LIPJ: variants seen among roughly 807,000 people sequenced by gnomAD.
LIPJ encodes the protein lipase member J.
LIPJ carries 33 observed loss-of-function variants against 39.8 expected under a neutral mutation model. That is an observed-to-expected ratio of 0.83 (90% CI 0.63 to 1.11). The LOEUF (loss-of-function observed/expected upper bound fraction) is 1.11. Among genes scored for constraint, LIPJ ranks in the 50% least tolerant of loss-of-function variants. LIPJ has a pLI of 0.00. For synonymous variants in LIPJ, 128 were observed against 139.2 expected (o/e 0.92, Z 0.57); for missense variants, 422 against 427.9 (o/e 0.99, Z 0.12).
chr10:88,596,498 T>C (rs1019746389), intron 7 of LIPJ, 82 bp downstream of exon 7: 245 of 1,365,546 alleles, frequency 1.8e-4, no homozygotes, highest in Non-Finnish European at 2.3e-4. Flanking sequence ...TGACTATACG[T>C]AGACAACCAC....
chr10:88,591,382 A>G, exon 4 of LIPJ: 1 of 1,592,954 alleles, frequency 6.3e-7, no homozygotes, highest in Non-Finnish European at 8.5e-7. Flanking sequence ...ATCTAGAGCC[A>G]GATTATTTCC....
At chr10:88,613,820 ATATATATATGTGTG>A in the LIPJ span, among the ~76,000 whole-genome samples, 1 of 63,240 alleles carries the variant, frequency 1.6e-5, no homozygotes, top group African/African-American at 6.1e-5. Flanking sequence ...GTGTGTGTAT[ATATATATATGTGTG>A]TATATATATA....
rs1254944953 is a variant in LIPJ at position 88,598,968 on chromosome 10, T to A, written c.723+2032T>A. ...ATATTGTATTTAATAATATAATATA[T>A]TATATTATTACAATAATATAAAATA... is the stretch of plus-strand genomic sequence containing the variant. On this transcript the variant is annotated intron_variant, in intron 8 of 10. Transcript: ENST00000371939. 1.2e-4 allele frequency among the ~76,000 whole-genome samples: 17 copies of A among 145,760 alleles called. No individual in the cohort carries two copies. In the South Asian group the frequency reaches 1.3e-3, roughly 11 times the overall value.
rs1267338347 is a variant in LIPJ at position 88,596,744 on chromosome 10, C to G, written c.577-46C>G. 3.4e-6 allele frequency: 5 copies of G among 1,476,754 alleles called. No individual in the cohort carries two copies. The African/African-American group carries it at 4.3e-5, about 13-fold the overall frequency. The allele number at this position is 1,476,754 out of a possible 1,614,324, so 91.5% of individuals were successfully genotyped here. A position where few individuals can be genotyped will look rare whatever the true frequency, so the allele number is the denominator to read the frequency against. The stretch of plus-strand genomic sequence containing the variant: ...GAATTACCACAACATTTCTTTAGCA[C>G]TTATTGTGGTCATCCAAATGTGGAT... On this transcript the variant is annotated intron_variant, in intron 7 of 10. Coordinates refer to ENST00000371939, the Ensembl canonical transcript of LIPJ.
At chr10:88,621,677 A>G in the LIPJ span, among the ~76,000 whole-genome samples, 1 of 152,300 alleles carries the variant, frequency 6.6e-6, no homozygotes, top group South Asian at 2.1e-4. Flanking sequence ...ATTCATCAAT[A>G]AGCCTGACCT....
At chr10:88,599,929 G>A (rs1025075239) in intron 8 of LIPJ, among the ~76,000 whole-genome samples, 1 of 151,564 alleles carries the variant, frequency 6.6e-6, no homozygotes, top group African/African-American at 2.4e-5. Context: ...CTATCATCCT[G>A]CTATATGCTT....
intron 5 of LIPJ, 86 bp from the exon 6 acceptor site, chr10:88,594,580 CT>C (rs1851190181): frequency 5.0e-6 from 3 of 602,028 alleles, no homozygotes; most frequent in East Asian, 6.2e-5. Flanking sequence ...AGAAAATTGC[CT>C]TTATTCAGTT....
the LIPJ span, among the ~76,000 whole-genome samples, chr10:88,614,827 T>TA: frequency 6.6e-6 from 1 of 152,094 alleles, no homozygotes; most frequent in Non-Finnish European, 1.5e-5. Flanking sequence ...CAGTGAAAGA[T>TA]TTTTGCAAGG....
chr10:88,596,486 C>A (rs753232684), intron 7 of LIPJ, 70 bp downstream of exon 7: 450 of 1,392,764 alleles, frequency 3.2e-4, no homozygotes, highest in Admixed American at 4.1e-4. Flanking sequence ...AATAAGAGAT[C>A]TTGACTATAC....
chr10:88,612,457 C>A, the LIPJ span, among the ~76,000 whole-genome samples: 1 of 151,996 alleles, frequency 6.6e-6, no homozygotes, highest in Admixed American at 6.5e-5. Context: ...AAGAACTCAC[C>A]AACCAAATTT....
intron 2 of LIPJ, among the ~76,000 whole-genome samples, chr10:88,588,708 TA>T (rs757215919): frequency 5.9e-5 from 9 of 151,938 alleles, no homozygotes; most frequent in Non-Finnish European, 1.2e-4. Flanking sequence ...AAGTTGTGTT[TA>T]ACAGAAAAAT....
chr10:88,596,705 G>C, intron 7 of LIPJ, 85 bp from the exon 8 acceptor site: 1 of 1,225,436 alleles, frequency 8.2e-7, no homozygotes, highest in Non-Finnish European at 1.2e-6. Context: ...AATTTATTTG[G>C]TTTTATAGAT....
At chr10:88,613,199 C>CA in the LIPJ span, among the ~76,000 whole-genome samples, 2 of 152,078 alleles carry the variant, frequency 1.3e-5, no homozygotes, top group Admixed American at 6.5e-5. Flanking sequence ...CATCATTCCA[C>CA]AAAAAAACTT....
the LIPJ span, among the ~76,000 whole-genome samples, chr10:88,613,816 G>GTGTGTGTATA: frequency 4.3e-5 from 3 of 69,664 alleles, no homozygotes; most frequent in African/African-American, 1.1e-4. Flanking sequence ...GTGTGTGTGT[G>GTGTGTGTATA]TATATATATA....
chr10:88,586,608 T>C (rs112803192), upstream of LIPJ: 1 of 152,168 alleles, frequency 6.6e-6, no homozygotes, highest in African/African-American at 2.4e-5. Flanking sequence ...ATTTTCTTCA[T>C]CTCAATCCCT....
exon 6 of LIPJ, chr10:88,594,762 A>G (rs535545280): frequency 2.7e-6 from 4 of 1,505,032 alleles, no homozygotes; most frequent in African/African-American, 1.4e-5. Flanking sequence ...GGCCATTCAC[A>G]GGGTACTACT....
intron 2 of LIPJ, among the ~76,000 whole-genome samples, chr10:88,587,976 C>CT (rs1289844908): frequency 6.6e-6 from 1 of 151,856 alleles, no homozygotes; most frequent in African/African-American, 2.4e-5. Context: ...TTTACATTAT[C>CT]TTTTTTTGTA....
chr10:88,606,985 T>A, downstream of LIPJ: 2 of 1,345,804 alleles, frequency 1.5e-6, no homozygotes, highest in South Asian at 2.2e-5. Context: ...TACCTGTGTA[T>A]GTTCTTTCAT....
At chr10:88,617,215 G>A in the LIPJ span, among the ~76,000 whole-genome samples, 2 of 152,142 alleles carry the variant, frequency 1.3e-5, no homozygotes, top group East Asian at 3.8e-4. Flanking sequence ...AAACATGGAG[G>A]CCTTCAACAG....
Sources: allele counts gnomAD v4.1 joint callset (sites outside exome capture counted in the v4.1 genomes callset), GRCh38; gene constraint gnomAD v4.1.1; transcripts MANE v1.5; gene names NCBI Gene and HGNC (gene_info 2026-07-23, HGNC 2026-07-21).